The following FCRL6 variants were observed in gnomAD, a reference collection of about 807,000 sequenced individuals.
The protein encoded by FCRL6 is Fc receptor like 6.
Under a neutral mutation model 49.1 loss-of-function variants are expected in FCRL6, and 50 were observed. The ratio of observed to expected loss-of-function variants is 1.02; its 90% CI spans 0.81 to 1.29. FCRL6 has a LOEUF of 1.29. FCRL6 is among the 50% of genes most tolerant of loss of function. The probability of loss-of-function intolerance (pLI) is 0.00; values close to 1 mark genes in which losing one functional copy is unlikely to be tolerated. For synonymous variants in FCRL6, 213 were observed against 199.6 expected (o/e 1.07, Z -0.57); for missense variants, 571 against 518.5 (o/e 1.10, Z -0.98).
chr1:159,808,191 C>T lies in FCRL6; in HGVS notation c.66C>T (p.Leu22=). The change falls in exon 3 of 10, where the codon CTC becomes CTT. Residue 22 remains leucine, a synonymous_variant. Coordinates refer to ENST00000368106, the MANE Select transcript of FCRL6 (RefSeq NM_001004310.3). ...PCVGKTVWLY[L]QAWPNPVFEG... ...TCTGTCTCGCAGTCTGGCTGTACCT[C>T]CAAGCCTGGCCAAACCCTGTGTTTG... 6.2e-7 allele frequency: 1 copy of T among 1,611,982 alleles called. No individual in the cohort carries two copies. Among genetic ancestry groups the T allele is most frequent in the Non-Finnish European group, 8.5e-7 (1 of 1,178,406 alleles).
chr1:159,812,725 A>G lies in FCRL6; in HGVS notation c.1010-764A>G, dbSNP rs60035398. Among the ~76,000 whole-genome samples the G allele has an allele frequency of 8.7e-3, 1,322 of 152,320 alleles. 28 individuals carry two copies. The highest frequency in any genetic ancestry group is 0.03 in the African/African-American group (1,228 of 41,560). On this transcript the variant is annotated intron_variant, in intron 6 of 9. Coordinates refer to ENST00000368106, the MANE Select transcript of FCRL6 (RefSeq NM_001004310.3). ...ATTTTACAGAAGGAGCCATTTCCAC[A>G]TATCCTACCCAGTGATTCTGATGCT...
chr1:159,815,695 C>T lies in FCRL6; in HGVS notation c.*34C>T. On this transcript the variant is annotated 3_prime_UTR_variant, in exon 10 of 10. Transcript: ENST00000368106. Reference sequence around the variant, plus strand: ...TTCTCCTATCAACACACGCCCACCCCCAGTCTCCAGTGCTCCTCAGGAAGA... The same window carrying T: ...TTCTCCTATCAACACACGCCCACCCTCAGTCTCCAGTGCTCCTCAGGAAGA... The T allele has an allele frequency of 6.2e-7, 1 of 1,612,062 alleles. No homozygotes were observed. Among genetic ancestry groups the T allele is most frequent in the Non-Finnish European group, 8.5e-7 (1 of 1,179,602 alleles).
intron 1 of FCRL6, 107 bp from the exon 2 acceptor site, chr1:159,806,489 G>C: frequency 1.0e-6 from 1 of 957,320 alleles, no homozygotes; most frequent in East Asian, 2.4e-5. Flanking sequence ...TGGTGGCCGG[G>C]TGGTTGGTTG....
At chr1:159,804,716 T>C (rs1044260195) in intron 1 of FCRL6, among the ~76,000 whole-genome samples, 7 of 152,236 alleles carry the variant, frequency 4.6e-5, no homozygotes, top group African/African-American at 1.7e-4. Context: ...GGACAGGAGC[T>C]CATTTTAAGT....
chr1:159,801,231 T>A (rs1557868452), upstream of FCRL6, among the ~76,000 whole-genome samples: 1 of 152,266 alleles, frequency 6.6e-6, no homozygotes, highest in Non-Finnish European at 1.5e-5. Context: ...TATATGTTTT[T>A]TCAGGCTTAT....
intron 6 of FCRL6, among the ~76,000 whole-genome samples, chr1:159,812,895 G>C (rs1449270668): frequency 6.6e-6 from 1 of 152,188 alleles, no homozygotes; most frequent in African/African-American, 2.4e-5. Context: ...CATGCTAGTA[G>C]AGAAAAGGCA....
At chr1:159,809,979 C>T (rs941823926) in intron 5 of FCRL6, 115 bp from the exon 6 acceptor site, 2 of 1,337,968 alleles carry the variant, frequency 1.5e-6, no homozygotes, top group Admixed American at 4.3e-5. Context: ...TGAGGCTCCC[C>T]CAGGCCAGAC....
chr1:159,808,739 C>T (rs954039369), intron 3 of FCRL6: 33 of 607,588 alleles, frequency 5.4e-5, no homozygotes, highest in South Asian at 2.8e-4. Context: ...ACTTCGAAGG[C>T]CCCCTCTGCC....
rs568257209 is a variant in FCRL6 at position 159,806,492 on chromosome 1, G to A, written c.32-104G>A. Reference sequence around the variant, plus strand: ...GGCTAGGAGGTTTGGTGGCCGGGTGGTTGGTTGAATGGGTGTAAGTCCCCA... The same window carrying A: ...GGCTAGGAGGTTTGGTGGCCGGGTGATTGGTTGAATGGGTGTAAGTCCCCA... On this transcript the variant is annotated intron_variant, in intron 1 of 9. Coordinates refer to ENST00000368106, the MANE Select transcript of FCRL6 (RefSeq NM_001004310.3). 268 of 1,005,080 alleles carry A rather than the reference G, an allele frequency of 2.7e-4. 4 individuals carry two copies. The South Asian group carries it at 3.3e-3, about 12-fold the overall frequency. The allele number at this position is 1,005,080 out of a possible 1,614,324, so 62.3% of individuals were successfully genotyped here.
At position 159,809,519 on chromosome 1, in the gene FCRL6, T is replaced by C. The variant is rs761331638; in HGVS notation, c.722T>C (p.Phe241Ser). 1.6e-5 allele frequency: 26 copies of C among 1,614,026 alleles called. No individual in the cohort carries two copies. Among genetic ancestry groups the C allele is most frequent in the Non-Finnish European group, 2.0e-5 (24 of 1,180,018 alleles). Residue 241 changes from phenylalanine to serine, a missense_variant, in exon 5 of 10, where the codon TTC becomes TCC. Coordinates refer to ENST00000368106, the MANE Select transcript of FCRL6 (RefSeq NM_001004310.3). ...GGCTCCCCTCCGATCCTGTATTCCTTCTACCTTGATGAGAAGATTGTGGGG... is the reference window on the plus strand; with the variant it reads ...GGCTCCCCTCCGATCCTGTATTCCTCCTACCTTGATGAGAAGATTGTGGGG... ...QRGSPPILYS[F>S]YLDEKIVGNH...
In FCRL6 at chr1:159,808,262, C is replaced by G. The variant is rs1172818432; in HGVS notation, c.137C>G (p.Pro46Arg). The change falls in exon 3 of 10, where the codon CCA (proline) becomes CGA (arginine). Residue 46 changes from proline (P) to arginine (R), a missense_variant. Physicochemically the swap from Pro to Arg is moderately radical, Grantham distance 103. Transcript: ENST00000368106. ...CGATGTCAGGGATGGAAGAATACAC[C>G]ACTGTCTCAGGTGAAGTTCTACAGA... ...TLRCQGWKNT[P>R]LSQVKFYRDG... 2 of 1,613,542 alleles carry G rather than the reference C, an allele frequency of 1.2e-6. No homozygotes were observed. Among genetic ancestry groups the G allele is most frequent in the African/African-American group, 2.7e-5 (2 of 74,932 alleles).
intron 3 of FCRL6, 67 bp from the exon 4 acceptor site, chr1:159,808,894 G>T (rs1421474582): frequency 1.3e-6 from 2 of 1,486,884 alleles, no homozygotes; most frequent in Non-Finnish European, 1.8e-6. Flanking sequence ...AGAAGCTCAG[G>T]CCTCAGCCTC....
Position 159,815,825 on chromosome 1 carries a change from C to A in FCRL6, c.*164C>A. 1.3e-6 allele frequency: 1 copy of A among 764,194 alleles called. No homozygotes were observed. Among genetic ancestry groups the A allele is most frequent in the Non-Finnish European group, 2.1e-6 (1 of 487,654 alleles). The allele number at this position is 764,194 out of a possible 1,614,324, so 47.3% of individuals were successfully genotyped here. A position where few individuals can be genotyped will look rare whatever the true frequency, so the allele number is the denominator to read the frequency against. On this transcript the variant is annotated 3_prime_UTR_variant, in exon 10 of 10. Coordinates refer to ENST00000368106, the MANE Select transcript of FCRL6 (RefSeq NM_001004310.3). ...GTCAGGAGCACCTGAACCCTGGGTT[C>A]TTTTCTTAGCAGAAGACCAACCAAT...
chr1:159,806,661 G>A (rs745450633), intron 2 of FCRL6, 45 bp downstream of exon 2: 49 of 1,600,950 alleles, frequency 3.1e-5, no homozygotes, highest in Non-Finnish European at 4.0e-5. Context: ...ATGTCTATGG[G>A]CCAAAACTTA....
At chr1:159,805,418 A>G (rs956515679) in intron 1 of FCRL6, among the ~76,000 whole-genome samples, 3 of 152,122 alleles carry the variant, frequency 2.0e-5, no homozygotes, top group Admixed American at 6.5e-5. Context: ...TGCAGGACAC[A>G]AGTAAATGTA....
chr1:159,800,925 C>A (rs1252322228), upstream of FCRL6, among the ~76,000 whole-genome samples: 1 of 152,134 alleles, frequency 6.6e-6, no homozygotes, highest in African/African-American at 2.4e-5. Flanking sequence ...ACATGGGAGG[C>A]TGAGGCAGGA....
Position 159,809,215 on chromosome 1 carries a change from C to A in FCRL6, c.574C>A (p.Gln192Lys), listed in dbSNP as rs767900037. Reference protein sequence around the residue: ...VAPEGGQVQKQSPQLEVRVQA... With the variant: ...VAPEGGQVQKKSPQLEVRVQA... ...CCCTGAGGGTGGCCAGGTCCAGAAGCAGAGCCCCCAGCTGGAGGTCAGAGT... is the reference window on the plus strand; with the variant it reads ...CCCTGAGGGTGGCCAGGTCCAGAAGAAGAGCCCCCAGCTGGAGGTCAGAGT... The change falls in exon 4 of 10, where the codon CAG (glutamine) becomes AAG (lysine). Residue 192 changes from glutamine (Q) to lysine (K), a missense_variant. Gln to Lys is a moderately conservative substitution (Grantham distance 53). Transcript: ENST00000368106. 3.8e-6 allele frequency: 6 copies of A among 1,580,150 alleles called. No homozygotes were observed. The South Asian group carries it at 7.0e-5, about 19-fold the overall frequency.
intron 1 of FCRL6, among the ~76,000 whole-genome samples, chr1:159,803,414 T>G (rs1201607556): frequency 6.6e-6 from 1 of 152,230 alleles, no homozygotes; most frequent in African/African-American, 2.4e-5. Flanking sequence ...AAATATAACC[T>G]CTTCCTGGAC....
chr1:159,808,117 G>A (rs1662817548), intron 2 of FCRL6, 61 bp from the exon 3 acceptor site: 22 of 1,555,568 alleles, frequency 1.4e-5, no homozygotes, highest in Middle Eastern at 3.8e-4. Context: ...GGGGGACAGA[G>A]GGAGAGAAGT....
Sources: gnomAD v4.1 joint callset for allele counts (sites outside exome capture counted in the v4.1 genomes callset) on GRCh38, gnomAD v4.1.1 for gene constraint, MANE v1.5 for transcripts, NCBI Gene and HGNC (gene_info 2026-07-23, HGNC 2026-07-21) for gene names.